PTPRD: variants seen among roughly 807,000 people sequenced by gnomAD.
PTPRD encodes the protein receptor-type tyrosine-protein phosphatase delta.
A neutral mutation model predicts 214.5 loss-of-function variants in PTPRD; 34 were observed. That is an observed-to-expected ratio of 0.16 (90% CI 0.12 to 0.21). PTPRD has a LOEUF of 0.21. PTPRD is among the 10% of genes least tolerant of loss of function. The pLI is 1.00. For synonymous variants in PTPRD, 1,128 were observed against 845.7 expected, an observed-to-expected ratio of 1.33 and a Z score of -5.79; for missense variants, 2,545 against 2,398.7, an observed-to-expected ratio of 1.06 and a Z score of -1.27.
intron 2 of PTPRD, among the ~76,000 whole-genome samples, chr9:10,361,050 C>T (rs555715362): frequency 4.6e-5 from 7 of 152,170 alleles, no homozygotes; most frequent in African/African-American, 1.4e-4. Context: ...TGTAGTGAGC[C>T]GAGATGGAGC....
chr9:8,521,684 A>C (rs878915583), intron 19 of PTPRD, 138 bp from the exon 20 acceptor site: 2 of 922,680 alleles, frequency 2.2e-6, no homozygotes, highest in South Asian at 3.4e-5. Flanking sequence ...CATAAAGAAA[A>C]ACTGTGGATA....
chr9:9,843,385 C>T (rs1418714550), intron 5 of PTPRD, among the ~76,000 whole-genome samples: 1 of 151,900 alleles, frequency 6.6e-6, no homozygotes, highest in Non-Finnish European at 1.5e-5. Context: ...AGCACACTTT[C>T]TGTCTGTTTC....
intron 11 of PTPRD, among the ~76,000 whole-genome samples, chr9:8,855,007 G>C (rs373866097): frequency 1.3e-5 from 2 of 152,116 alleles, no homozygotes; most frequent in East Asian, 3.9e-4. Context: ...AAATCATAGT[G>C]CCAGAGAAGC....
chr9:9,704,812 G>A (rs112478709), intron 7 of PTPRD, among the ~76,000 whole-genome samples: 53 of 152,246 alleles, frequency 3.5e-4, no homozygotes, highest in African/African-American at 1.2e-3. Context: ...AGACATAAGT[G>A]AAACCATCTT....
At chr9:10,522,674 A>G (rs1193420998) in intron 2 of PTPRD, among the ~76,000 whole-genome samples, 1 of 151,978 alleles carries the variant, frequency 6.6e-6, no homozygotes, top group Non-Finnish European at 1.5e-5. Flanking sequence ...CCATCATATA[A>G]TGTTTTACTT....
chr9:10,193,776 T>A (rs1332594834), intron 3 of PTPRD, among the ~76,000 whole-genome samples: 1 of 152,092 alleles, frequency 6.6e-6, no homozygotes, highest in Non-Finnish European at 1.5e-5. Context: ...ATATTTCAGA[T>A]ACAAAAAGTA....
chr9:10,462,055 A>G (rs1588702271), intron 2 of PTPRD, among the ~76,000 whole-genome samples: 1 of 152,160 alleles, frequency 6.6e-6, no homozygotes, highest in South Asian at 2.1e-4. Flanking sequence ...AAAGTATCAA[A>G]TATTTAGGAT....
intron 2 of PTPRD, among the ~76,000 whole-genome samples, chr9:10,487,200 G>A (rs1410207774): frequency 1.3e-5 from 2 of 152,074 alleles, no homozygotes; most frequent in Non-Finnish European, 2.9e-5. Flanking sequence ...TAGGTGAAGT[G>A]TGTTTCTTAT....
chr9:8,405,558 G>A (rs1439418655), intron 35 of PTPRD, among the ~76,000 whole-genome samples: 2 of 151,606 alleles, frequency 1.3e-5, no homozygotes, highest in Admixed American at 1.3e-4. Flanking sequence ...AAACTCTAGG[G>A]GACTTCATTT....
At chr9:9,646,332 TGTGTGTGTGTGG>T (rs2096171632) in intron 7 of PTPRD, among the ~76,000 whole-genome samples, 3 of 149,396 alleles carry the variant, frequency 2.0e-5, no homozygotes, top group African/African-American at 5.1e-5. Flanking sequence ...TGTGTGTGTG[TGTGTGTGTGTGG>T]GTGTGTGTGT....
intron 14 of PTPRD, among the ~76,000 whole-genome samples, chr9:8,551,934 T>C (rs1397465874): frequency 6.6e-6 from 1 of 152,138 alleles, no homozygotes; most frequent in Non-Finnish European, 1.5e-5. Context: ...AGCAAATAAG[T>C]GTAGATAAAA....
chr9:8,863,817 T>C (rs916966190), intron 11 of PTPRD, among the ~76,000 whole-genome samples: 1 of 152,212 alleles, frequency 6.6e-6, no homozygotes, highest in African/African-American at 2.4e-5. Flanking sequence ...GTTTTAACTT[T>C]CATGGGTTTT....
intron 8 of PTPRD, among the ~76,000 whole-genome samples, chr9:9,503,633 C>T (rs917383737): frequency 1.3e-5 from 2 of 151,638 alleles, no homozygotes; most frequent in Non-Finnish European, 3.0e-5. Context: ...ATCAAACCTC[C>T]GAATCTTGTA....
At chr9:9,203,143 T>A (rs2099942854) in intron 9 of PTPRD, among the ~76,000 whole-genome samples, 1 of 152,028 alleles carries the variant, frequency 6.6e-6, no homozygotes. Flanking sequence ...GGCAGGAGAA[T>A]CACTTGAACC....
intron 14 of PTPRD, among the ~76,000 whole-genome samples, chr9:8,605,138 A>G (rs1023250441): frequency 2.6e-5 from 4 of 152,220 alleles, no homozygotes; most frequent in Admixed American, 6.5e-5. Flanking sequence ...CTCTTCTTCT[A>G]TCAACCTCTT....
chr9:8,344,545 C>A (rs1855708616), intron 39 of PTPRD, among the ~76,000 whole-genome samples: 1 of 151,798 alleles, frequency 6.6e-6, no homozygotes, highest in African/African-American at 2.4e-5. Flanking sequence ...GAGGCTATGA[C>A]TTGAACAAAA....
intron 8 of PTPRD, among the ~76,000 whole-genome samples, chr9:9,501,225 A>G (rs921083610): frequency 3.3e-5 from 5 of 151,976 alleles, no homozygotes; most frequent in East Asian, 1.9e-4. Context: ...AATTGGACAA[A>G]TAAGAGTCAC....
At chr9:9,691,898 A>G (rs2097278185) in intron 7 of PTPRD, among the ~76,000 whole-genome samples, 1 of 151,764 alleles carries the variant, frequency 6.6e-6, no homozygotes, top group Non-Finnish European at 1.5e-5. Context: ...TTTTTTATAT[A>G]CCTGTTTGCC....
At chr9:10,555,583 C>A (rs2062372033) in intron 2 of PTPRD, among the ~76,000 whole-genome samples, 1 of 152,172 alleles carries the variant, frequency 6.6e-6, no homozygotes, top group South Asian at 2.1e-4. Context: ...AAACCAGTCT[C>A]CTACAAAAGG....
Sources: allele counts gnomAD v4.1 joint callset (sites outside exome capture counted in the v4.1 genomes callset), GRCh38; gene constraint gnomAD v4.1.1; transcripts MANE v1.5; gene names NCBI Gene and HGNC (gene_info 2026-07-23, HGNC 2026-07-21).